RFWD3: variants seen among roughly 807,000 people sequenced by gnomAD.
The protein encoded by RFWD3 is ring finger and WD repeat domain 3.
A neutral mutation model predicts 87.7 loss-of-function variants in RFWD3; 65 were observed. The observed-to-expected ratio is 0.74, with a 90% CI of 0.61 to 0.91. The LOEUF (loss-of-function observed/expected upper bound fraction) is 0.91, where lower values mean the gene tolerates loss of function less well. Among genes scored for constraint, RFWD3 ranks in the 40% least tolerant of loss-of-function variants. RFWD3 has a pLI of 0.00. For synonymous variants in RFWD3, 433 were observed against 352.8 expected (o/e 1.23, Z -2.55); for missense variants, 1,078 against 938.5 (o/e 1.15, Z -1.94).
Position 74,623,802 on chromosome 16 carries a change from T to C in RFWD3, c.*126A>G. On this transcript the variant is annotated 3_prime_UTR_variant, in exon 13 of 13. Coordinates refer to ENST00000361070, the MANE Select transcript of RFWD3 (RefSeq NM_018124.4). ...ACCTAGGGTCCTAGAATCATACTAA[T>C]GCAAACAAACCATGATTCCCAATGT... is the stretch of plus-strand genomic sequence containing the variant. 3 of 1,046,162 alleles carry C rather than the reference T, an allele frequency of 2.9e-6. No homozygotes were observed. Among genetic ancestry groups the C allele is most frequent in the Non-Finnish European group, 4.2e-6 (3 of 707,500 alleles). 64.8% of individuals were successfully genotyped at this position (1,046,162 alleles called of 1,614,324 possible).
intron 4 of RFWD3, 55 bp downstream of exon 4, chr16:74,649,075 GTC>G: frequency 8.4e-7 from 1 of 1,191,108 alleles, no homozygotes; most frequent in Non-Finnish European, 1.2e-6. Context: ...GTGAGACCTA[GTC>G]TCTAAAAATA....
chr16:74,656,653 T>C (rs1961012418), intron 2 of RFWD3, among the ~76,000 whole-genome samples: 1 of 152,094 alleles, frequency 6.6e-6, no homozygotes, highest in African/African-American at 2.4e-5. Flanking sequence ...AGACAAGGTT[T>C]CAACATGTTG....
In RFWD3 at chr16:74,628,648, C is replaced by T. The variant is rs909458992; in HGVS notation, c.1773G>A (p.Leu591=). Residue 591 remains leucine, a synonymous_variant, in exon 11 of 13, where the codon CTG becomes CTA. Transcript: ENST00000361070. Reference sequence around the variant, plus strand: ...CTGAGGCAGCTCTGGGCATGTATGACAGGGAGACCAGTGGGCATCTGAAAG... The same window carrying T: ...CTGAGGCAGCTCTGGGCATGTATGATAGGGAGACCAGTGGGCATCTGAAAG... ...AQKARCPLVS[L]SYMPRAASAA... is the part of the protein sequence containing the mutation. 6.2e-7 allele frequency: 1 copy of T among 1,613,998 alleles called. No homozygotes were observed. The highest frequency in any genetic ancestry group is 2.2e-5 in the East Asian group (1 of 44,894).
Position 74,659,007 on chromosome 16 carries a change from GC to G in RFWD3, c.518+1924del, listed in dbSNP as rs748667768. Among the ~76,000 whole-genome samples the G allele has an allele frequency of 2.8e-4, 43 of 152,156 alleles. 1 individual carries two copies. The highest frequency in any genetic ancestry group is 8.3e-4 in the South Asian group (4 of 4,836). On this transcript the variant is annotated intron_variant, in intron 2 of 12. Coordinates refer to ENST00000361070, the MANE Select transcript of RFWD3 (RefSeq NM_018124.4). ...ACTCCTGGCCTAAAGGGATCCGCCT[GC>G]CTTGGCCGCTCAAAGTTCTGAGATT...
Position 74,626,360 on chromosome 16 carries a change from C to T in RFWD3, c.2164G>A (p.Ala722Thr). Reference sequence around the variant, plus strand: ...AGGCTCACCAGGGCAGAATTTGCTGCTTCATCCCCAGTACACACCAGGATG... The same window carrying T: ...AGGCTCACCAGGGCAGAATTTGCTGTTTCATCCCCAGTACACACCAGGATG... ...GNILVCTGDEAANSALLWDAA... is the reference protein window; with the variant it reads ...GNILVCTGDETANSALLWDAA... The change falls in exon 12 of 13, where the codon GCA becomes ACA. Residue 722 changes from alanine (A) to threonine (T), a missense_variant. By Grantham distance (58) the Ala-to-Thr change is moderately conservative. Coordinates refer to ENST00000361070, the MANE Select transcript of RFWD3 (RefSeq NM_018124.4). 11 of 1,614,108 alleles carry T rather than the reference C, an allele frequency of 6.8e-6. No individual in the cohort carries two copies. Among genetic ancestry groups the T allele is most frequent in the Non-Finnish European group, 9.3e-6 (11 of 1,179,960 alleles).
In RFWD3 at chr16:74,626,540, T is replaced by C. The variant is rs1444181909; in HGVS notation, c.1984A>G (p.Thr662Ala). 1.2e-6 allele frequency: 2 copies of C among 1,613,960 alleles called. No homozygotes were observed. The highest frequency in any genetic ancestry group is 1.7e-6 in the Non-Finnish European group (2 of 1,179,954). Residue 662 changes from threonine to alanine, a missense_variant, in exon 12 of 13, where the codon ACC becomes GCC. By Grantham distance (58) the Thr-to-Ala change is moderately conservative. Coordinates refer to ENST00000361070, the MANE Select transcript of RFWD3 (RefSeq NM_018124.4). ...VTYRPDKNHT[T>A]IRSVLMEMSY... is the part of the protein sequence containing the mutation. ...ATTTCCATCAGCACACTTCGTATGG[T>C]GGTGTGATTTTTATCTATGGGACAG...
chr16:74,652,376 A>G (rs1415181119), intron 2 of RFWD3, among the ~76,000 whole-genome samples: 1 of 152,032 alleles, frequency 6.6e-6, no homozygotes, highest in South Asian at 2.1e-4. Flanking sequence ...ATTCTATTTT[A>G]CTGGCATCTG....
intron 7 of RFWD3, among the ~76,000 whole-genome samples, chr16:74,636,969 G>A (rs764870539): frequency 2.6e-5 from 4 of 151,650 alleles, no homozygotes; most frequent in South Asian, 4.2e-4. Flanking sequence ...CGCCTCGGCC[G>A]CCCAAAGTGC....
chr16:74,637,765 C>A (rs1959268269), intron 7 of RFWD3, 91 bp downstream of exon 7: 2 of 921,048 alleles, frequency 2.2e-6, no homozygotes, highest in Non-Finnish European at 3.4e-6. Context: ...CTTGGCAAAT[C>A]CTATTTGTTT....
intron 2 of RFWD3, among the ~76,000 whole-genome samples, chr16:74,655,819 C>T (rs1960937420): frequency 6.6e-6 from 1 of 152,200 alleles, no homozygotes; most frequent in Admixed American, 6.5e-5. Flanking sequence ...AGCCACCACA[C>T]CCGGCCTATG....
At chr16:74,645,229 A>G (rs1312200086) in intron 4 of RFWD3, among the ~76,000 whole-genome samples, 1 of 152,242 alleles carries the variant, frequency 6.6e-6, no homozygotes, top group Admixed American at 6.5e-5. Flanking sequence ...ACATGCTTAT[A>G]TACTGTTGCC....
At chr16:74,630,402 G>A (rs1456988972) in intron 10 of RFWD3, among the ~76,000 whole-genome samples, 1 of 152,208 alleles carries the variant, frequency 6.6e-6, no homozygotes, top group African/African-American at 2.4e-5. Context: ...CCAGCGACAT[G>A]TGGCTATTAA....
At chr16:74,645,092 C>T (rs1960016967) in intron 4 of RFWD3, among the ~76,000 whole-genome samples, 1 of 152,186 alleles carries the variant, frequency 6.6e-6, no homozygotes, top group African/African-American at 2.4e-5. Context: ...CAAGAAAACA[C>T]AATGGTCAAT....
chr16:74,663,425 G>C (rs923167914), intron 1 of RFWD3, among the ~76,000 whole-genome samples: 3 of 152,132 alleles, frequency 2.0e-5, no homozygotes, highest in African/African-American at 7.2e-5. Flanking sequence ...AAGTGCTACT[G>C]GGGGGAAGAA....
At chr16:74,661,629 T>C (rs1034927904) in intron 1 of RFWD3, among the ~76,000 whole-genome samples, 178 bp from the exon 2 acceptor site, 1 of 152,136 alleles carries the variant, frequency 6.6e-6, no homozygotes, top group South Asian at 2.1e-4. Flanking sequence ...TGGACTTTCC[T>C]CTCTATAACA....
intron 6 of RFWD3, among the ~76,000 whole-genome samples, chr16:74,640,454 T>C (rs892333384): frequency 3.9e-5 from 6 of 151,950 alleles, no homozygotes; most frequent in African/African-American, 1.4e-4. Context: ...GGAAACTTAA[T>C]TAAGGATAGA....
At position 74,661,186 on chromosome 16, in the gene RFWD3, T is replaced by C. The variant is rs1875335622; in HGVS notation, c.264A>G (p.Glu88=). The stretch of plus-strand genomic sequence containing the variant: ...TTGGATTGATGTTCTCCACAGTGTC[T>C]TCTCCCAAGACCTCCACTTCTGTCA... ...VDLTEVEVLG[E]DTVENINPRT... Residue 88 remains glutamate, a synonymous_variant, in exon 2 of 13, where the codon GAA becomes GAG. Transcript: ENST00000361070. 1 of 1,614,108 alleles carries C rather than the reference T, an allele frequency of 6.2e-7. No homozygotes were observed. Among genetic ancestry groups the C allele is most frequent in the African/African-American group, 1.3e-5 (1 of 74,942 alleles).
In RFWD3 at chr16:74,649,590, ATTCT is replaced by A. The variant is rs1428464150; in HGVS notation, c.722-392_722-389del. Among the ~76,000 whole-genome samples the A allele has an allele frequency of 3.3e-5, 5 of 152,304 alleles. No individual in the cohort carries two copies. In the East Asian group the frequency reaches 9.6e-4, roughly 29 times the overall value. On this transcript the variant is annotated intron_variant, in intron 3 of 12. Transcript: ENST00000361070. ...AAAAACTTCTGCAACACTGATAAGA[ATTCT>A]TTTTTTATATAAACACTGTGTAATT...
At chr16:74,662,147 AAAT>A (rs58823246) in intron 1 of RFWD3, among the ~76,000 whole-genome samples, 8,754 of 152,192 alleles carry the variant, frequency 0.058, 309 homozygotes, top group African/African-American at 0.1. Context: ...CTAAAAAAAA[AAAT>A]TTTTTTTTGT....
Sources: gnomAD v4.1 joint callset for allele counts (sites outside exome capture counted in the v4.1 genomes callset) on GRCh38, gnomAD v4.1.1 for gene constraint, MANE v1.5 for transcripts, NCBI Gene and HGNC (gene_info 2026-07-23, HGNC 2026-07-21) for gene names.